SPG11: variants seen among roughly 807,000 people sequenced by gnomAD.
SPG11 encodes spatacsin.
SPG11 carries 222 observed loss-of-function variants against 274.0 expected under a neutral mutation model. The observed-to-expected ratio is 0.81, with a 90% CI of 0.73 to 0.91. The LOEUF is 0.91. Among genes scored for constraint, SPG11 ranks in the 40% least tolerant of loss-of-function variants. The pLI, the probability that SPG11 is intolerant of heterozygous loss-of-function variation, is 0.00. For missense variants in SPG11, 3,114 were observed against 2,872.7 expected (o/e 1.08, Z -1.92); for synonymous variants, 1,144 against 1,039.7 (o/e 1.10, Z -1.93).
At position 44,612,780 on chromosome 15, in the gene SPG11, A is replaced by G. The variant is rs534463525; in HGVS notation, c.3145+650T>C. ...ATATTACTTCATAATCAGCATGCAA[A>G]ACCAAAAAACAAAACCCACATTATG... On this transcript the variant is annotated intron_variant, in intron 17 of 39. Transcript: ENST00000261866. 2.0e-5 allele frequency among the ~76,000 whole-genome samples: 3 copies of G among 152,242 alleles called. No homozygotes were observed. The South Asian group carries it at 6.2e-4, about 32-fold the overall frequency.
chr15:44,569,308 T>C (rs991109053), intron 35 of SPG11, 90 bp downstream of exon 35: 18 of 963,462 alleles, frequency 1.9e-5, no homozygotes, highest in Admixed American at 4.0e-5. Context: ...CCCAAGAGTC[T>C]ACCCTGACTG....
intron 10 of SPG11, among the ~76,000 whole-genome samples, chr15:44,626,838 CTAG>C (rs1161128892): frequency 1.3e-5 from 2 of 151,644 alleles, no homozygotes; most frequent in African/African-American, 4.8e-5. Context: ...CATAGGCTTG[CTAG>C]TAGAAGTAAC....
Position 44,660,562 on chromosome 15 carries a change from C to T in SPG11, c.312G>A (p.Leu104=). 6.2e-7 allele frequency: 1 copy of T among 1,614,116 alleles called. No homozygotes were observed. The change falls in exon 2 of 40, where the codon CTG becomes CTA. Residue 104 remains leucine, a synonymous_variant. Coordinates refer to ENST00000261866, the MANE Select transcript of SPG11 (RefSeq NM_025137.4). ...NSSTPTEKPK[L]LALGENYELL... ...GTTCATAATTTTCACCAAGAGCGAGCAGTTTGGGCTTTTCAGTTGGTGTGC... is the reference window on the plus strand; with the variant it reads ...GTTCATAATTTTCACCAAGAGCGAGTAGTTTGGGCTTTTCAGTTGGTGTGC...
At chr15:44,598,968 TG>T (rs1307877003) in intron 21 of SPG11, 132 bp from the exon 22 acceptor site, 104 of 922,300 alleles carry the variant, frequency 1.1e-4, no homozygotes, top group Non-Finnish European at 1.7e-4. Context: ...CCTTACCTTT[TG>T]CCCCTTGCAC....
chr15:44,567,481 C>G lies in SPG11; in HGVS notation c.6697G>C (p.Glu2233Gln). 6.2e-7 allele frequency: 1 copy of G among 1,614,042 alleles called. No homozygotes were observed. Among genetic ancestry groups the G allele is most frequent in the Non-Finnish European group, 8.5e-7 (1 of 1,180,004 alleles). ...LCFSMCREIG[E>Q]NHEAAARIQL... The stretch of plus-strand genomic sequence containing the variant: ...ATGCGGGCAGCTGCCTCGTGGTTCT[C>G]GCCAATCTCCCGGCACATGCTGAAG... The change falls in exon 36 of 40, where the codon GAG (glutamate) becomes CAG (glutamine). Residue 2233 changes from glutamate (E) to glutamine (Q), a missense_variant. Physicochemically the swap from Glu to Gln is conservative, Grantham distance 29 (BLOSUM62 2). Transcript: ENST00000261866.
intron 15 of SPG11, among the ~76,000 whole-genome samples, chr15:44,617,685 G>GT (rs925527214): frequency 9.9e-5 from 15 of 151,540 alleles, no homozygotes; most frequent in East Asian, 1.9e-4. Flanking sequence ...TCTTTTTGTT[G>GT]TTTTTTTTGA....
At chr15:44,600,032 AT>A (rs1434494699) in intron 21 of SPG11, among the ~76,000 whole-genome samples, 1 of 152,214 alleles carries the variant, frequency 6.6e-6, no homozygotes, top group Non-Finnish European at 1.5e-5. Context: ...TTAACTGCTA[AT>A]ATTTGACAAA....
intron 33 of SPG11, 27 bp downstream of exon 33, chr15:44,572,656 T>C (rs2082446646): frequency 6.2e-7 from 1 of 1,613,694 alleles, no homozygotes; most frequent in Admixed American, 1.7e-5. Flanking sequence ...AGGGCCAAAA[T>C]ATGTAAGAAA....
At chr15:44,580,995 T>A (rs973579175) in intron 30 of SPG11, among the ~76,000 whole-genome samples, 1 of 151,358 alleles carries the variant, frequency 6.6e-6, no homozygotes, top group African/African-American at 2.4e-5. Flanking sequence ...AAACCCCAAA[T>A]AGAATAAAGC....
At chr15:44,638,332 C>T (rs544511045) in intron 7 of SPG11, among the ~76,000 whole-genome samples, 9 of 152,182 alleles carry the variant, frequency 5.9e-5, no homozygotes, top group East Asian at 5.8e-4. Flanking sequence ...TGGTGGCAGG[C>T]GCCTGTAATC....
rs879255274 is a variant in SPG11, at chr15:44,622,723, C to T, written c.2316+5G>A. On this transcript the variant is annotated splice_donor_5th_base_variant and intron_variant, in intron 12 of 39. Coordinates refer to ENST00000261866, the MANE Select transcript of SPG11 (RefSeq NM_025137.4). ...TGTATACTATGTAGTCTCACCTTTACCTACCAAAAAGTCACGTATATTTTT... is the reference window on the plus strand; with the variant it reads ...TGTATACTATGTAGTCTCACCTTTATCTACCAAAAAGTCACGTATATTTTT... The T allele has an allele frequency of 6.2e-7, 1 of 1,608,980 alleles. No homozygotes were observed.
chr15:44,632,373 TTTA>T (rs2084093157), intron 8 of SPG11, among the ~76,000 whole-genome samples: 2 of 152,210 alleles, frequency 1.3e-5, no homozygotes, highest in African/African-American at 2.4e-5. Context: ...GAAAATATAC[TTTA>T]TTACCCTGTT....
chr15:44,577,808 A>G (rs566597565), intron 30 of SPG11, among the ~76,000 whole-genome samples: 62 of 152,242 alleles, frequency 4.1e-4, no homozygotes, highest in Middle Eastern at 3.4e-3. Flanking sequence ...GCGCTGACTA[A>G]AACCTAAGAA....
intron 12 of SPG11, 109 bp downstream of exon 12, chr15:44,622,618 TA>T (rs1225180731): frequency 2.2e-6 from 2 of 923,704 alleles, no homozygotes; most frequent in Non-Finnish European, 3.5e-6. Flanking sequence ...ACTTATTAGA[TA>T]TTAGTTGAAC....
chr15:44,651,769 T>G lies in SPG11; in HGVS notation c.1178A>C (p.His393Pro), dbSNP rs144038708. The G allele has an allele frequency of 1.9e-6, 3 of 1,614,252 alleles. No homozygotes were observed. Among genetic ancestry groups the G allele is most frequent in the East Asian group, 4.5e-5 (2 of 44,890 alleles). Residue 393 changes from histidine (H) to proline (P), a missense_variant, in exon 6 of 40, where the codon CAT (histidine) becomes CCT (proline). By Grantham distance (77) the His-to-Pro change is moderately conservative (BLOSUM62 -2). Transcript: ENST00000261866. ...TTTCTGTAGAACATTATATTGCCCATGCATTATGTCCTGTGGAATGAAGGC... is the reference window on the plus strand; with the variant it reads ...TTTCTGTAGAACATTATATTGCCCAGGCATTATGTCCTGTGGAATGAAGGC... ...SWAFIPQDIM[H>P]GQYNVLQKDH... is the part of the protein sequence containing the mutation.
intron 27 of SPG11, among the ~76,000 whole-genome samples, chr15:44,591,153 T>A (rs2082891011): frequency 6.6e-6 from 1 of 152,208 alleles, no homozygotes; most frequent in African/African-American, 2.4e-5. Context: ...AGTAAAAAGA[T>A]CATTTTGCTT....
intron 5 of SPG11, 58 bp from the exon 6 acceptor site, chr15:44,651,997 A>G: frequency 6.3e-7 from 1 of 1,576,890 alleles, no homozygotes; most frequent in East Asian, 2.2e-5. Context: ...ACTATGTAAA[A>G]CACTAAACCA....
chr15:44,608,608 A>G lies in SPG11; in HGVS notation c.3292-3T>C, dbSNP rs1282462227. 1 of 1,613,584 alleles carries G rather than the reference A, an allele frequency of 6.2e-7. No individual in the cohort carries two copies. The highest frequency in any genetic ancestry group is 1.1e-5 in the South Asian group (1 of 91,022). ...TCATTTTCTTCATTCTGAACAACCTAAGTAAAAAAACAGATAACAGGTTGG... is the reference window on the plus strand; with the variant it reads ...TCATTTTCTTCATTCTGAACAACCTGAGTAAAAAAACAGATAACAGGTTGG... On this transcript the variant is annotated splice_region_variant and splice_polypyrimidine_tract_variant and intron_variant, in intron 18 of 39. Coordinates refer to ENST00000261866, the MANE Select transcript of SPG11 (RefSeq NM_025137.4).
chr15:44,633,362 A>G (rs992154475), intron 8 of SPG11, 143 bp downstream of exon 8: 3 of 323,420 alleles, frequency 9.3e-6, no homozygotes, highest in African/African-American at 4.7e-5. Flanking sequence ...AAAAAAAAAA[A>G]GAAAGTTTCC....
Sources: gnomAD v4.1 joint callset for allele counts (sites outside exome capture counted in the v4.1 genomes callset) on GRCh38, gnomAD v4.1.1 for gene constraint, MANE v1.5 for transcripts, NCBI Gene and HGNC (gene_info 2026-07-23, HGNC 2026-07-21) for gene names.